The following ACTR3B variants were observed in gnomAD, a reference collection of about 807,000 sequenced individuals.
ACTR3B encodes the protein actin-related protein 3B.
A neutral mutation model predicts 59.0 loss-of-function variants in ACTR3B; 8 were observed. That is an observed-to-expected ratio of 0.14 (90% confidence interval 0.08 to 0.24). The LOEUF (loss-of-function observed/expected upper bound fraction) is 0.24. ACTR3B is among the 10% of genes least tolerant of loss of function. ACTR3B has a pLI of 1.00. For missense variants in ACTR3B, 245 were observed against 552.3 expected (o/e 0.44, Z 5.58); for synonymous variants, 148 against 197.9 (o/e 0.75, Z 2.12).
intron 5 of ACTR3B, among the ~76,000 whole-genome samples, chr7:152,815,074 T>G (rs1795579470): frequency 6.6e-6 from 1 of 151,792 alleles, no homozygotes; most frequent in East Asian, 1.9e-4. Context: ...GAACTTGTTC[T>G]GAAGCTGCGG....
At chr7:152,791,094 A>C (rs948727503) in intron 2 of ACTR3B, among the ~76,000 whole-genome samples, 8 of 151,516 alleles carry the variant, frequency 5.3e-5, no homozygotes, top group Admixed American at 2.0e-4. Context: ...GCTCACTGCA[A>C]CCTTCACCTC....
chr7:152,787,683 AGGTACCATTTATGCTT>A (rs1399756551), intron 2 of ACTR3B, among the ~76,000 whole-genome samples: 1 of 152,076 alleles, frequency 6.6e-6, no homozygotes, highest in Admixed American at 6.6e-5. Flanking sequence ...GATCATATCG[AGGTACCATTTATGCTT>A]GGGAATGTTT....
chr7:152,778,549 T>C (rs2098141950), intron 1 of ACTR3B, among the ~76,000 whole-genome samples: 1 of 152,088 alleles, frequency 6.6e-6, no homozygotes, highest in African/African-American at 2.4e-5. Flanking sequence ...TTTTCACTAC[T>C]TCTTAATTGC....
chr7:152,832,501 TAGTC>T (rs1304656937), intron 9 of ACTR3B, among the ~76,000 whole-genome samples: 1 of 152,142 alleles, frequency 6.6e-6, no homozygotes, highest in African/African-American at 2.4e-5. Flanking sequence ...GAGAGATTGT[TAGTC>T]AGGGCTCTTT....
At chr7:152,801,314 G>A (rs1344989339) in intron 3 of ACTR3B, among the ~76,000 whole-genome samples, 4 of 152,146 alleles carry the variant, frequency 2.6e-5, no homozygotes, top group East Asian at 3.9e-4. Flanking sequence ...TCCTGGGCTC[G>A]GGTGAGCCTC....
chr7:152,793,112 G>A (rs1285560723), intron 2 of ACTR3B, among the ~76,000 whole-genome samples: 2 of 136,286 alleles, frequency 1.5e-5, no homozygotes, highest in Non-Finnish European at 3.1e-5. Flanking sequence ...GTTTTGTTTC[G>A]GGTTAACTTA....
chr7:152,821,434 C>T (rs1271790324), intron 7 of ACTR3B, among the ~76,000 whole-genome samples: 1 of 150,894 alleles, frequency 6.6e-6, no homozygotes, highest in Non-Finnish European at 1.5e-5. Context: ...GAAACTAGCC[C>T]AGGTGATATA....
chr7:152,803,083 G>C (rs1191389235), intron 4 of ACTR3B, among the ~76,000 whole-genome samples: 1 of 152,142 alleles, frequency 6.6e-6, no homozygotes, highest in Admixed American at 6.5e-5. Flanking sequence ...ATCTTGCTCT[G>C]TTGTCCAGGT....
chr7:152,848,919 C>A (rs1798578699), intron 9 of ACTR3B, among the ~76,000 whole-genome samples: 1 of 152,144 alleles, frequency 6.6e-6, no homozygotes, highest in South Asian at 2.1e-4. Context: ...GATTTCTCCA[C>A]AGGGTCACAG....
intron 5 of ACTR3B, among the ~76,000 whole-genome samples, chr7:152,815,096 A>T (rs1795581078): frequency 6.6e-6 from 1 of 151,162 alleles, no homozygotes; most frequent in Admixed American, 6.6e-5. Flanking sequence ...TCTTGGTGTG[A>T]TATTTTTTGG....
At chr7:152,825,615 C>T (rs1391062912) in intron 9 of ACTR3B, among the ~76,000 whole-genome samples, 2 of 152,122 alleles carry the variant, frequency 1.3e-5, no homozygotes, top group Non-Finnish European at 2.9e-5. Context: ...CCATGCCCGG[C>T]CAACTGGAAG....
intron 6 of ACTR3B, among the ~76,000 whole-genome samples, chr7:152,817,642 C>T (rs1795810851): frequency 6.6e-6 from 1 of 152,120 alleles, no homozygotes; most frequent in African/African-American, 2.4e-5. Context: ...TTGAGGTCTC[C>T]TCCTCAGGAA....
rs577006892 is a variant in ACTR3B at position 152,766,772 on chromosome 7, GTTTCT to G, written c.44+6853_44+6857del. ...TTTTTCATTCCCAGATTACATGGTG[GTTTCT>G]TTTCTTCTTTTTCTTTTCTGTTTTT... On this transcript the variant is annotated intron_variant, in intron 1 of 11. Transcript: ENST00000256001. 9.5e-3 allele frequency among the ~76,000 whole-genome samples: 1,448 copies of G among 152,126 alleles called. 9 individuals carry two copies. The highest frequency in any genetic ancestry group is 0.015 in the Non-Finnish European group (986 of 67,994).
At position 152,784,857 on chromosome 7, in the gene ACTR3B, A is replaced by C. The variant is rs535674613; in HGVS notation, c.100+1615A>C. ...TTGATGGGGACCCCACATTTACCCC[A>C]ACCACCTCTCTAAAAGTTTCATCTC... On this transcript the variant is annotated intron_variant, in intron 2 of 11. Coordinates refer to ENST00000256001, the MANE Select transcript of ACTR3B (RefSeq NM_020445.6). 6.1e-4 allele frequency among the ~76,000 whole-genome samples: 92 copies of C among 152,054 alleles called. 1 individual carries two copies. The highest frequency in any genetic ancestry group is 2.2e-3 in the African/African-American group (91 of 41,458).
rs1236536011 is a variant in ACTR3B at position 152,854,577 on chromosome 7, A to G, written c.*24A>G. 6.2e-7 allele frequency: 1 copy of G among 1,607,968 alleles called. No individual in the cohort carries two copies. Among genetic ancestry groups the G allele is most frequent in the African/African-American group, 1.3e-5 (1 of 74,790 alleles). The stretch of plus-strand genomic sequence containing the variant: ...AGTGTCTGCCTGAACGCGTCGTTCG[A>G]TGGTGTCACGTTGGGGAACAAGTGT... On this transcript the variant is annotated 3_prime_UTR_variant, in exon 12 of 12. Coordinates refer to ENST00000256001, the MANE Select transcript of ACTR3B (RefSeq NM_020445.6). This position sits in a 1 kb window ranked among gnomAD's most constrained non-coding sequence, Gnocchi z 4.9.
chr7:152,839,186 T>C (rs1797692853), intron 9 of ACTR3B, among the ~76,000 whole-genome samples: 1 of 146,266 alleles, frequency 6.8e-6, no homozygotes, highest in African/African-American at 2.7e-5. Context: ...CAAGGTGGGG[T>C]CCGAATTCTG....
intron 4 of ACTR3B, among the ~76,000 whole-genome samples, chr7:152,802,642 A>G (rs896114917): frequency 4.0e-5 from 6 of 150,738 alleles, no homozygotes; most frequent in East Asian, 1.9e-4. Context: ...AATTAATTAT[A>G]TGTACAGAAT....
chr7:152,848,050 G>A (rs1798499035), intron 9 of ACTR3B, among the ~76,000 whole-genome samples: 1 of 152,234 alleles, frequency 6.6e-6, no homozygotes, highest in African/African-American at 2.4e-5. Context: ...ACTTAGAGGT[G>A]TGAATGGACT....
At chr7:152,834,268 C>T (rs918943180) in intron 9 of ACTR3B, among the ~76,000 whole-genome samples, 5 of 151,974 alleles carry the variant, frequency 3.3e-5, no homozygotes, top group African/African-American at 4.8e-5. Context: ...ATTCTTCAGC[C>T]TCAGCCTCCC....
Sources: gnomAD v4.1 joint callset for allele counts (sites outside exome capture counted in the v4.1 genomes callset) on GRCh38, gnomAD v4.1.1 for gene constraint, Gnocchi (gnomAD v3.1) non-coding constraint, MANE v1.5 for transcripts, NCBI Gene and HGNC (gene_info 2026-07-23, HGNC 2026-07-21) for gene names.